Variants in GREB1 observed in about 807,000 individuals in gnomAD.
GREB1 encodes growth regulating estrogen receptor binding 1.
In GREB1, 106 loss-of-function variants were observed where a neutral mutation model predicts 200.7. The ratio of observed to expected loss-of-function variants is 0.53; its 90% confidence interval spans 0.45 to 0.62. The LOEUF (loss-of-function observed/expected upper bound fraction) is 0.62. Ranked by LOEUF, GREB1 falls within the 20% of genes least tolerant of loss-of-function variation. GREB1 has a pLI of 0.00. For synonymous variants in GREB1, 1,132 were observed against 1,092.4 expected (o/e 1.04, Z -0.72); for missense variants, 2,243 against 2,556.8 (o/e 0.88, Z 2.65).
At chr2:11,632,483 C>T (rs1572209548) in intron 27 of GREB1, among the ~76,000 whole-genome samples, 1 of 151,850 alleles carries the variant, frequency 6.6e-6, no homozygotes. Flanking sequence ...GAATTACAGG[C>T]GCCAGCCATG....
intron 6 of GREB1, among the ~76,000 whole-genome samples, chr2:11,579,751 A>G (rs990050343): frequency 6.6e-5 from 10 of 152,208 alleles, no homozygotes; most frequent in Non-Finnish European, 1.5e-5. Context: ...TCTGGCTGAC[A>G]TGAGCAACTT....
upstream of GREB1, among the ~76,000 whole-genome samples, chr2:11,530,455 G>A (rs892553623): frequency 1.2e-4 from 18 of 150,540 alleles, no homozygotes. Flanking sequence ...TAAAAGTTAA[G>A]TTACCAGGAG....
intron 9 of GREB1, chr2:11,587,889 C>A: frequency 1.0e-6 from 1 of 999,892 alleles, no homozygotes; most frequent in Non-Finnish European, 1.2e-6. Context: ...GATATTTGAA[C>A]CCGACCTGGG....
At position 11,620,921 on chromosome 2, in the gene GREB1, C is replaced by T; in HGVS notation, c.4061C>T (p.Ala1354Val). 6.2e-7 allele frequency: 1 copy of T among 1,609,458 alleles called. No homozygotes were observed. Among genetic ancestry groups the T allele is most frequent in the Non-Finnish European group, 8.5e-7 (1 of 1,175,758 alleles). ...CCTTTACAGATCGGGAAGACAGGTG[C>T]CTACCTGCAGTTCCTCAGTGTCCTG... is the stretch of plus-strand genomic sequence containing the variant. The part of the protein sequence containing the change: ...SGPPQIGKTG[A>V]YLQFLSVLSR... Residue 1354 changes from alanine to valine, a missense_variant, in exon 23 of 33, where the codon GCC (alanine) becomes GTC (valine). Physicochemically the swap from Ala to Val is moderately conservative, Grantham distance 64. Transcript: ENST00000381486.
At chr2:11,582,573 C>G (rs1679610979) in intron 7 of GREB1, among the ~76,000 whole-genome samples, 2 of 152,144 alleles carry the variant, frequency 1.3e-5, no homozygotes, top group African/African-American at 4.8e-5. Flanking sequence ...TCACGGGGCT[C>G]CCAGCCGTCC....
rs1558636075 is a variant in GREB1 at position 11,614,124 on chromosome 2, G to GT, written c.3123-967_3123-966insT. On this transcript the variant is annotated intron_variant, in intron 19 of 32. Coordinates refer to ENST00000381486, the MANE Select transcript of GREB1 (RefSeq NM_014668.4). The stretch of plus-strand genomic sequence containing the variant: ...TTTAATCTTTATCACAGCGGACTTA[G>GT]ATTTTTTTTTTTTTTTTTTTGAGAC... 1.5e-4 allele frequency among the ~76,000 whole-genome samples: 20 copies of GT among 133,440 alleles called. 1 individual carries two copies. The highest frequency in any genetic ancestry group is 4.8e-4 in the South Asian group (2 of 4,208). 87.5% of individuals were successfully genotyped at this position (133,440 alleles called of 152,430 possible).
chr2:11,610,982 C>T lies in GREB1; in HGVS notation c.2961C>T (p.Pro987=), dbSNP rs1443588373. 2.5e-6 allele frequency: 4 copies of T among 1,606,642 alleles called. No individual in the cohort carries two copies. Among genetic ancestry groups the T allele is most frequent in the Non-Finnish European group, 2.5e-6 (3 of 1,176,886 alleles). Residue 987 remains proline, a synonymous_variant, in exon 18 of 33, where the codon CCC becomes CCT. Coordinates refer to ENST00000381486, the MANE Select transcript of GREB1 (RefSeq NM_014668.4). ...EEHFEIILGS[P]SSGVTVGKHF... ...ACTTTGAGATCATCCTGGGCAGTCC[C>T]AGCTCAGGCGTCACCGTGGGGAAGC...
chr2:11,575,214 C>T (rs1210185528), intron 4 of GREB1, among the ~76,000 whole-genome samples: 1 of 152,214 alleles, frequency 6.6e-6, no homozygotes, highest in Non-Finnish European at 1.5e-5. Context: ...ATACATGAGT[C>T]TTAGCTTCAG....
At chr2:11,488,321 A>G (rs1477370902) in intron 1 of GREB1, among the ~76,000 whole-genome samples, 1 of 152,196 alleles carries the variant, frequency 6.6e-6, no homozygotes, top group Non-Finnish European at 1.5e-5. Flanking sequence ...AGCTCTTAAA[A>G]TAAAAACAAC....
intron 2 of GREB1, among the ~76,000 whole-genome samples, chr2:11,557,763 T>G (rs1370749853): frequency 1.3e-5 from 2 of 152,216 alleles, no homozygotes; most frequent in African/African-American, 4.8e-5. Context: ...CTGGAAGAAC[T>G]GGATGTGGGT....
rs980841153 is a variant in GREB1 at position 11,634,001 on chromosome 2, G to A, written c.4992-130G>A. The A allele has an allele frequency of 1.7e-5, 14 of 822,272 alleles. 1 individual carries two copies. The highest frequency in any genetic ancestry group is 7.9e-5 in the South Asian group (5 of 63,492). The allele number at this position is 822,272 out of a possible 1,614,324, so 50.9% of individuals were successfully genotyped here. A position where few individuals can be genotyped will look rare whatever the true frequency, so the allele number is the denominator to read the frequency against. On this transcript the variant is annotated intron_variant, in intron 28 of 32. Coordinates refer to ENST00000381486, the MANE Select transcript of GREB1 (RefSeq NM_014668.4). ...CCAGCAGGGTGCCTGGCCCTGGGGGGACTGTGCGGGGCACCGGCCCGTCCA... is the reference window on the plus strand; with the variant it reads ...CCAGCAGGGTGCCTGGCCCTGGGGGAACTGTGCGGGGCACCGGCCCGTCCA...
In GREB1 at chr2:11,588,521, A is replaced by G. The variant is rs142870342; in HGVS notation, c.1160-225A>G. 588 of 600,840 alleles carry G rather than the reference A, an allele frequency of 9.8e-4. 10 individuals carry two copies. In the East Asian group the frequency reaches 0.016, roughly 16 times the overall value. 37.2% of individuals were successfully genotyped at this position (600,840 alleles called of 1,614,324 possible). ...AGAGGATTGGACGAAATGAACCAGC[A>G]AGTGGCACAGCCCCATTGGTTAGAA... On this transcript the variant is annotated intron_variant, in intron 9 of 32. Coordinates refer to ENST00000381486, the MANE Select transcript of GREB1 (RefSeq NM_014668.4).
Position 11,566,144 on chromosome 2 carries a change from G to A in GREB1, c.278-336G>A, listed in dbSNP as rs543846912. Among the ~76,000 whole-genome samples, 6 of 152,152 alleles carry A rather than the reference G, an allele frequency of 3.9e-5. No homozygotes were observed. The South Asian group carries it at 1.0e-3, about 26-fold the overall frequency. On this transcript the variant is annotated intron_variant, in intron 3 of 32. Transcript: ENST00000381486. Reference sequence around the variant, plus strand: ...AATGATTCTCCTGCCCCAGCCTGACGAGTAGCTGGGATTGCAGGTGTGTGC... The same window carrying A: ...AATGATTCTCCTGCCCCAGCCTGACAAGTAGCTGGGATTGCAGGTGTGTGC...
chr2:11,600,205 T>C (rs903466446), intron 15 of GREB1, among the ~76,000 whole-genome samples: 1 of 152,190 alleles, frequency 6.6e-6, no homozygotes, highest in African/African-American at 2.4e-5. Flanking sequence ...GGAATAGGTT[T>C]CTCAGAGTGG....
chr2:11,552,347 T>A (rs955184974), intron 1 of GREB1, among the ~76,000 whole-genome samples: 2 of 152,066 alleles, frequency 1.3e-5, no homozygotes, highest in East Asian at 1.9e-4. Flanking sequence ...GCAGCAGGGA[T>A]CTAGCAAAGA....
In GREB1 at chr2:11,591,565, G is replaced by A. The variant is rs549430742; in HGVS notation, c.1346-1211G>A. On this transcript the variant is annotated intron_variant, in intron 10 of 32. Transcript: ENST00000381486. ...AATAACCCAAATGATGGTACCCAGT[G>A]GTGCTTAGGTGCGGTAAAACCAGCG... 20 of 655,838 alleles carry A rather than the reference G, an allele frequency of 3.0e-5. No homozygotes were observed. The African/African-American group carries it at 3.4e-4, about 11-fold the overall frequency. The allele number at this position is 655,838 out of a possible 1,614,324, so 40.6% of individuals were successfully genotyped here. A position where few individuals can be genotyped will look rare whatever the true frequency, so the allele number is the denominator to read the frequency against.
intron 23 of GREB1, among the ~76,000 whole-genome samples, chr2:11,623,409 G>T (rs1023758725): frequency 2.0e-5 from 3 of 152,186 alleles, no homozygotes; most frequent in African/African-American, 7.2e-5. Flanking sequence ...CCTCGGGCAG[G>T]TCCTTCAGGA....
At chr2:11,495,942 C>T (rs894008440) in intron 1 of GREB1, among the ~76,000 whole-genome samples, 1 of 151,944 alleles carries the variant, frequency 6.6e-6, no homozygotes, top group African/African-American at 2.4e-5. Flanking sequence ...TTGGGACGGA[C>T]GTAACGGCAA....
chr2:11,532,206 C>T (rs961444517), upstream of GREB1, among the ~76,000 whole-genome samples: 4 of 152,092 alleles, frequency 2.6e-5, no homozygotes, highest in African/African-American at 4.8e-5. Context: ...AATCAACCCG[C>T]GTATAGGAGC....
Sources: gnomAD v4.1 joint callset for allele counts (sites outside exome capture counted in the v4.1 genomes callset) on GRCh38, gnomAD v4.1.1 for gene constraint, MANE v1.5 for transcripts, NCBI Gene and HGNC (gene_info 2026-07-23, HGNC 2026-07-21) for gene names.